Variants in CRACD observed in about 807,000 individuals in gnomAD.
The protein encoded by CRACD is capping protein inhibiting regulator of actin dynamics, also known as capping protein-inhibiting regulator of actin dynamics.
In CRACD, 56 loss-of-function variants were observed where a neutral mutation model predicts 106.8. The observed-to-expected ratio is 0.52, with a 90% confidence interval of 0.42 to 0.66. The LOEUF is 0.66. Ranked by LOEUF, CRACD falls within the 30% of genes least tolerant of loss-of-function variation. The pLI is 0.00. For missense variants in CRACD, 1,730 were observed against 1,623.2 expected, an observed-to-expected ratio of 1.07 and a Z score of -1.13; for synonymous variants, 754 against 670.8, an observed-to-expected ratio of 1.12 and a Z score of -1.92.
At chr4:56,057,733 C>T (rs1440542734) in intron 1 of CRACD, among the ~76,000 whole-genome samples, 1 of 149,762 alleles carries the variant, frequency 6.7e-6, no homozygotes, top group African/African-American at 2.5e-5. Flanking sequence ...AAGGGAGTCT[C>T]CTGCCTCAGC....
At chr4:56,217,077 C>T (rs1403714290) in intron 2 of CRACD, among the ~76,000 whole-genome samples, 1 of 150,490 alleles carries the variant, frequency 6.6e-6, no homozygotes, top group Non-Finnish European at 1.5e-5. Flanking sequence ...GATTAACATT[C>T]AGAGGGGTCC....
chr4:56,214,679 C>CTATATA (rs755261143), intron 2 of CRACD, among the ~76,000 whole-genome samples: 944 of 74,208 alleles, frequency 0.013, 30 homozygotes, highest in Middle Eastern at 0.021. Flanking sequence ...CTCTCTCTCT[C>CTATATA]TCTATATATA....
At chr4:56,129,629 C>G (rs1309319905) in intron 1 of CRACD, among the ~76,000 whole-genome samples, 2 of 152,152 alleles carry the variant, frequency 1.3e-5, no homozygotes, top group Non-Finnish European at 2.9e-5. Flanking sequence ...CACTGGAGGG[C>G]ACTCGATGAT....
chr4:56,148,600 T>A (rs1192820297), intron 1 of CRACD, among the ~76,000 whole-genome samples: 1 of 152,190 alleles, frequency 6.6e-6, no homozygotes, highest in African/African-American at 2.4e-5. Flanking sequence ...GAGCTCATTG[T>A]GCTTTTGGTA....
intron 1 of CRACD, among the ~76,000 whole-genome samples, chr4:56,135,762 T>C (rs1458402996): frequency 6.6e-6 from 1 of 152,196 alleles, no homozygotes; most frequent in Non-Finnish European, 1.5e-5. Context: ...CAGAATGAAC[T>C]GCACATATTT....
At chr4:56,204,687 A>C (rs1048819374) in intron 2 of CRACD, among the ~76,000 whole-genome samples, 4 of 152,228 alleles carry the variant, frequency 2.6e-5, no homozygotes, top group African/African-American at 7.2e-5. Flanking sequence ...TTTTCAAGAA[A>C]GAAAAGAACT....
chr4:56,224,842 C>T (rs1739217627), intron 2 of CRACD, among the ~76,000 whole-genome samples: 1 of 152,224 alleles, frequency 6.6e-6, no homozygotes, highest in Non-Finnish European at 1.5e-5. Flanking sequence ...CACAAGACTG[C>T]TCCTGGAAGC....
chr4:56,189,654 T>C (rs1413970922), intron 2 of CRACD, among the ~76,000 whole-genome samples: 1 of 148,544 alleles, frequency 6.7e-6, no homozygotes, highest in African/African-American at 2.5e-5. Flanking sequence ...CGGTGTTTGG[T>C]TTTTTGTCCT....
Position 56,188,684 on chromosome 4 carries a change from TCTCA to T in CRACD, c.-189+9256_-189+9259del, listed in dbSNP as rs1256566232. On this transcript the variant is annotated intron_variant, in intron 2 of 10. Coordinates refer to ENST00000682029, the MANE Select transcript of CRACD (RefSeq NM_001393381.1). Reference sequence around the variant, plus strand: ...TTCTCTCTCTCTCTCTCTCTCTCTCTCTCACACACACACACACACACACACACAG... The same window carrying T: ...TTCTCTCTCTCTCTCTCTCTCTCTCTCACACACACACACACACACACACAG... Among the ~76,000 whole-genome samples the T allele has an allele frequency of 5.9e-3, 593 of 99,678 alleles. 4 individuals are homozygous for T. Among genetic ancestry groups the T allele is most frequent in the African/African-American group, 0.013 (254 of 20,084 alleles). 65.4% of individuals were successfully genotyped at this position (99,678 alleles called of 152,430 possible).
chr4:56,140,018 G>T (rs1560462113), intron 1 of CRACD, among the ~76,000 whole-genome samples: 2 of 152,018 alleles, frequency 1.3e-5, no homozygotes, highest in Admixed American at 6.6e-5. Flanking sequence ...TTTTTTCCTG[G>T]ATTACTATAA....
intron 2 of CRACD, among the ~76,000 whole-genome samples, chr4:56,271,080 G>T (rs565629173): frequency 6.6e-6 from 1 of 150,946 alleles, no homozygotes; most frequent in Non-Finnish European, 1.5e-5. Flanking sequence ...ACTCCAGCTT[G>T]GGCGATAAGA....
At chr4:56,195,190 C>G (rs530933513) in intron 2 of CRACD, among the ~76,000 whole-genome samples, 2 of 152,018 alleles carry the variant, frequency 1.3e-5, no homozygotes, top group African/African-American at 2.4e-5. Flanking sequence ...AGTGGGAGGA[C>G]ACATGGCTCG....
chr4:56,324,143 A>C lies in CRACD; in HGVS notation c.3418A>C (p.Arg1140=), dbSNP rs1746282177. The C allele has an allele frequency of 1.2e-6, 2 of 1,614,112 alleles. No individual in the cohort carries two copies. The highest frequency in any genetic ancestry group is 2.7e-5 in the African/African-American group (2 of 75,080). The change falls in exon 10 of 11, where the codon AGA becomes CGA. Residue 1140 remains arginine (R), a synonymous_variant. Coordinates refer to ENST00000682029, the MANE Select transcript of CRACD (RefSeq NM_001393381.1). ...GCAGCCTGGAAGCAGCAGTGTCAGC[A>C]GAGCAGGTTCCCTGCACAAGTCCAC... is the stretch of plus-strand genomic sequence containing the variant. ...SVQPGSSSVS[R]AGSLHKSTAL... is the part of the protein sequence containing the mutation.
chr4:56,108,176 G>A (rs1734007979), intron 1 of CRACD, among the ~76,000 whole-genome samples: 2 of 152,128 alleles, frequency 1.3e-5, no homozygotes, highest in South Asian at 4.1e-4. Flanking sequence ...CAATTACAAA[G>A]GGAGAAAATA....
intron 1 of CRACD, among the ~76,000 whole-genome samples, chr4:56,061,014 G>A (rs142165711): frequency 3.3e-5 from 5 of 152,294 alleles, no homozygotes; most frequent in Admixed American, 2.0e-4. Flanking sequence ...ACAGCAGCCC[G>A]TATAAACTAA....
chr4:56,147,920 GTAAT>G (rs1371913442), intron 1 of CRACD, among the ~76,000 whole-genome samples: 1 of 152,188 alleles, frequency 6.6e-6, no homozygotes, highest in Non-Finnish European at 1.5e-5. Flanking sequence ...CATAATGGAA[GTAAT>G]TAGAGTTAAA....
At chr4:56,189,395 A>T (rs1313557822) in intron 2 of CRACD, among the ~76,000 whole-genome samples, 4 of 152,110 alleles carry the variant, frequency 2.6e-5, no homozygotes, top group South Asian at 2.1e-4. Context: ...TCTTTTTTTA[A>T]AAAAATTTTA....
intron 3 of CRACD, among the ~76,000 whole-genome samples, chr4:56,273,308 TCTTCCTTC>T (rs1224412354): frequency 1.3e-5 from 2 of 150,798 alleles, no homozygotes; most frequent in Non-Finnish European, 3.0e-5. Context: ...TTCCTTCCTT[TCTTCCTTC>T]CTTCCTTCCT....
At chr4:56,098,811 C>T (rs1733679843) in intron 1 of CRACD, among the ~76,000 whole-genome samples, 1 of 152,128 alleles carries the variant, frequency 6.6e-6, no homozygotes, top group African/African-American at 2.4e-5. Flanking sequence ...CGTGCCTCAG[C>T]CTCCAGGTGT....
Sources: allele counts gnomAD v4.1 joint callset (sites outside exome capture counted in the v4.1 genomes callset), GRCh38; gene constraint gnomAD v4.1.1; transcripts MANE v1.5; gene names NCBI Gene and HGNC (gene_info 2026-07-23, HGNC 2026-07-21).